SCN11A: variants seen among roughly 807,000 people sequenced by gnomAD.
The protein encoded by SCN11A is sodium channel protein type 11 subunit alpha.
SCN11A carries 122 observed loss-of-function variants against 162.2 expected under a neutral mutation model. The ratio of observed to expected loss-of-function variants is 0.75; its 90% CI spans 0.65 to 0.87. SCN11A has a LOEUF of 0.87. SCN11A is among the 40% of genes least tolerant of loss of function. The pLI is 0.00. For synonymous variants in SCN11A, 758 were observed against 751.5 expected, an observed-to-expected ratio of 1.01 and a Z score of -0.14; for missense variants, 2,015 against 2,181.6, an observed-to-expected ratio of 0.92 and a Z score of 1.52.
At chr3:38,915,415 T>C (rs973940246) in intron 11 of SCN11A, among the ~76,000 whole-genome samples, 1 of 152,202 alleles carries the variant, frequency 6.6e-6, no homozygotes, top group Non-Finnish European at 1.5e-5. Flanking sequence ...TTAAGTTATT[T>C]CTAAGTTTTT....
At chr3:38,950,508 G>A in intron 4 of SCN11A, 139 bp from the exon 5 acceptor site, 1 of 790,040 alleles carries the variant, frequency 1.3e-6, no homozygotes, top group South Asian at 1.8e-5. Flanking sequence ...GGCCTTGGGA[G>A]CTGATTGGCT....
intron 14 of SCN11A, 59 bp downstream of exon 14, chr3:38,907,890 A>G: frequency 1.4e-6 from 2 of 1,419,322 alleles, no homozygotes; most frequent in Non-Finnish European, 1.9e-6. Context: ...TTGATTGGCA[A>G]TTGGACCTGT....
chr3:39,041,996 C>CA (rs2125616600), intron 1 of SCN11A, among the ~76,000 whole-genome samples: 1 of 152,226 alleles, frequency 6.6e-6, no homozygotes, highest in African/African-American at 2.4e-5. Context: ...CAGGCCGGCA[C>CA]AGTGGCTCAT....
rs377430840 is a variant in SCN11A at position 38,950,087 on chromosome 3, A to G, written c.267+9T>C. 26 of 152,578 alleles carry G rather than the reference A, an allele frequency of 1.7e-4. No individual in the cohort carries two copies. The highest frequency in any genetic ancestry group is 1.5e-3 in the East Asian group (7 of 4,760). The allele number at this position is 152,578 out of a possible 1,614,324, so 9.5% of individuals were successfully genotyped here. ...CACCCCCACCCCCCCCCCCCGCCCA[A>G]TGAAGTACCTTATGATTTCGGTAGA... On this transcript the variant is annotated intron_variant, in intron 5 of 29. Transcript: ENST00000302328.
intron 10 of SCN11A, 93 bp downstream of exon 10, chr3:38,920,983 C>G: frequency 8.5e-7 from 1 of 1,171,410 alleles, no homozygotes; most frequent in Non-Finnish European, 1.3e-6. Context: ...TGCTAAGAGA[C>G]TCTGTAAGGG....
intron 9 of SCN11A, among the ~76,000 whole-genome samples, chr3:38,924,692 A>G (rs1028135596): frequency 2.0e-5 from 3 of 152,016 alleles, no homozygotes; most frequent in African/African-American, 7.2e-5. Context: ...GTATTTTTGT[A>G]GAGACGAGGC....
At chr3:39,045,168 A>C (rs777238459) in intron 1 of SCN11A, among the ~76,000 whole-genome samples, 7 of 152,300 alleles carry the variant, frequency 4.6e-5, no homozygotes, top group Non-Finnish European at 1.0e-4. Context: ...GTCTCCCAAC[A>C]AAGAAAAGCC....
chr3:39,042,974 A>AAAAAAAAAAAAAAAAAAAAAAAAG (rs56332636), intron 1 of SCN11A, among the ~76,000 whole-genome samples: 1 of 103,642 alleles, frequency 9.6e-6, no homozygotes, highest in Non-Finnish European at 1.8e-5. Context: ...AAAAAAAAAA[A>AAAAAAAAAAAAAAAAAAAAAAAAG]AAAAAGAAAA....
At chr3:39,042,518 G>A (rs908923123) in intron 1 of SCN11A, among the ~76,000 whole-genome samples, 1 of 151,894 alleles carries the variant, frequency 6.6e-6, no homozygotes, top group Non-Finnish European at 1.5e-5. Context: ...GCACAGCAAA[G>A]GAAAAAATCA....
At chr3:38,949,203 A>G (rs2066562660) in intron 5 of SCN11A, among the ~76,000 whole-genome samples, 1 of 152,200 alleles carries the variant, frequency 6.6e-6, no homozygotes, top group Non-Finnish European at 1.5e-5. Context: ...TGGGGTTTCC[A>G]ACCTCTGCTG....
chr3:39,011,564 G>A (rs906147475), intron 2 of SCN11A, among the ~76,000 whole-genome samples: 17 of 152,130 alleles, frequency 1.1e-4, no homozygotes, highest in Non-Finnish European at 2.1e-4. Context: ...CTCTGAAAAA[G>A]GACATATGAT....
At chr3:39,043,691 G>A (rs1444475228) in intron 1 of SCN11A, among the ~76,000 whole-genome samples, 1 of 151,990 alleles carries the variant, frequency 6.6e-6, no homozygotes, top group East Asian at 1.9e-4. Context: ...GTAGTTGGGG[G>A]TGGGTGGTGG....
At chr3:38,950,401 A>G in intron 4 of SCN11A, 32 bp from the exon 5 acceptor site, 1 of 1,609,112 alleles carries the variant, frequency 6.2e-7, no homozygotes, top group Non-Finnish European at 8.5e-7. Context: ...AGATCCTCAG[A>G]AAGGCCTCAG....
At chr3:39,010,378 C>CTTTTTTTT (rs201494677) in intron 2 of SCN11A, among the ~76,000 whole-genome samples, 2 of 120,750 alleles carry the variant, frequency 1.7e-5, no homozygotes. Flanking sequence ...TTTAGTTTTT[C>CTTTTTTTT]TTTTTTCTTT....
chr3:38,949,124 C>T (rs1247596277), intron 5 of SCN11A, among the ~76,000 whole-genome samples: 1 of 152,212 alleles, frequency 6.6e-6, no homozygotes, highest in Non-Finnish European at 1.5e-5. Context: ...ATGCTCTCAG[C>T]ATCCCATATT....
intron 23 of SCN11A, among the ~76,000 whole-genome samples, chr3:38,878,320 A>G (rs1345508732): frequency 6.6e-6 from 1 of 151,962 alleles, no homozygotes; most frequent in East Asian, 1.9e-4. Context: ...GTATTCAGTG[A>G]ATTTGGGCAA....
intron 2 of SCN11A, among the ~76,000 whole-genome samples, chr3:38,976,984 A>G (rs2066853644): frequency 6.6e-6 from 1 of 152,226 alleles, no homozygotes; most frequent in South Asian, 2.1e-4. Context: ...TTAATATCAA[A>G]TACTGCACAG....
At chr3:38,868,463 A>G (rs1228590981) in intron 26 of SCN11A, among the ~76,000 whole-genome samples, 2 of 152,250 alleles carry the variant, frequency 1.3e-5, no homozygotes, top group African/African-American at 4.8e-5. Flanking sequence ...AAGTGGGCTA[A>G]TAGTCTTGCA....
intron 11 of SCN11A, among the ~76,000 whole-genome samples, chr3:38,915,755 T>C (rs2065951539): frequency 1.3e-5 from 2 of 152,266 alleles, no homozygotes; most frequent in Admixed American, 1.3e-4. Context: ...GGCCATGTGG[T>C]GATGAGAAGA....
Sources: allele counts gnomAD v4.1 joint callset (sites outside exome capture counted in the v4.1 genomes callset), GRCh38; gene constraint gnomAD v4.1.1; transcripts MANE v1.5; gene names NCBI Gene and HGNC (gene_info 2026-07-23, HGNC 2026-07-21).